Variants in NPSR1 observed in about 807,000 individuals in gnomAD.
The protein encoded by NPSR1 is neuropeptide S receptor 1, also known as neuropeptide S receptor.
A neutral mutation model predicts 46.9 loss-of-function variants in NPSR1; 48 were observed. The ratio of observed to expected loss-of-function variants is 1.02; its 90% CI spans 0.81 to 1.30. The LOEUF is 1.30. Ranked by LOEUF, NPSR1 falls within the 50% of genes most tolerant of loss-of-function variation. The pLI, the probability that NPSR1 is intolerant of heterozygous loss-of-function variation, is 0.00. For missense variants in NPSR1, 450 were observed against 449.5 expected (o/e 1.00, Z -0.01); for synonymous variants, 176 against 168.1 (o/e 1.05, Z -0.36).
chr7:34,701,375 C>G (rs1793821873), intron 2 of NPSR1, among the ~76,000 whole-genome samples: 1 of 152,166 alleles, frequency 6.6e-6, no homozygotes, highest in Non-Finnish European at 1.5e-5. Flanking sequence ...TTTTCATAAA[C>G]TGTTATATCT....
chr7:34,824,494 T>G (rs1013492031), intron 4 of NPSR1, among the ~76,000 whole-genome samples: 13 of 152,202 alleles, frequency 8.5e-5, no homozygotes, highest in African/African-American at 3.1e-4. Context: ...TCAGTCTCCC[T>G]GCTGTGGCAG....
chr7:34,781,617 G>A (rs985749779), intron 3 of NPSR1, among the ~76,000 whole-genome samples: 1 of 152,172 alleles, frequency 6.6e-6, no homozygotes, highest in Non-Finnish European at 1.5e-5. Context: ...ATTCCTGCAA[G>A]AGAACCCCAG....
intron 2 of NPSR1, among the ~76,000 whole-genome samples, chr7:34,747,609 G>A (rs929416731): frequency 9.5e-5 from 14 of 147,162 alleles, no homozygotes; most frequent in African/African-American, 3.2e-4. Flanking sequence ...AGGCATCTTA[G>A]ACACACACAC....
At chr7:34,793,488 T>C (rs1461265623) in intron 3 of NPSR1, among the ~76,000 whole-genome samples, 1 of 152,038 alleles carries the variant, frequency 6.6e-6, no homozygotes, top group Non-Finnish European at 1.5e-5. Flanking sequence ...ACATCCCTAG[T>C]CATCAGGGAA....
chr7:34,828,859 C>T (rs181728288), intron 5 of NPSR1, among the ~76,000 whole-genome samples: 293 of 152,292 alleles, frequency 1.9e-3, no homozygotes, highest in Non-Finnish European at 3.2e-3. Flanking sequence ...GGCCTGTTAG[C>T]TAAGATCACT....
intron 2 of NPSR1, among the ~76,000 whole-genome samples, chr7:34,732,175 C>T (rs531186554): frequency 3.3e-5 from 5 of 151,656 alleles, no homozygotes; most frequent in South Asian, 4.2e-4. Flanking sequence ...AACAGGGCTC[C>T]GGTTGAAGTT....
At chr7:34,856,779 GT>G (rs959553782) in intron 8 of NPSR1, among the ~76,000 whole-genome samples, 1 of 151,592 alleles carries the variant, frequency 6.6e-6, no homozygotes, top group Non-Finnish European at 1.5e-5. Context: ...GCAAGTCATT[GT>G]TTTCTTCTTT....
intron 2 of NPSR1, among the ~76,000 whole-genome samples, chr7:34,769,892 G>C (rs1786597660): frequency 6.6e-6 from 1 of 152,176 alleles, no homozygotes; most frequent in South Asian, 2.1e-4. Flanking sequence ...AGCCTTTAAA[G>C]TGTACCCTTT....
intron 2 of NPSR1, among the ~76,000 whole-genome samples, chr7:34,755,584 T>A (rs1758013647): frequency 2.0e-5 from 3 of 152,214 alleles, no homozygotes; most frequent in Admixed American, 2.0e-4. Context: ...TTGGGTCATT[T>A]CCAGTTTAGG....
At chr7:34,816,042 A>T (rs1789234462) in intron 4 of NPSR1, among the ~76,000 whole-genome samples, 1 of 152,188 alleles carries the variant, frequency 6.6e-6, no homozygotes, top group Non-Finnish European at 1.5e-5. Context: ...CATCATAATG[A>T]TAGGATCAAA....
chr7:34,672,410 GT>G (rs1226395050), intron 1 of NPSR1, among the ~76,000 whole-genome samples: 1 of 152,198 alleles, frequency 6.6e-6, no homozygotes, highest in Non-Finnish European at 1.5e-5. Flanking sequence ...TGGCATTTCT[GT>G]TTCTGGTGAA....
At chr7:34,868,189 G>GTAGA (rs1791363240) in intron 8 of NPSR1, among the ~76,000 whole-genome samples, 1 of 151,680 alleles carries the variant, frequency 6.6e-6, no homozygotes, top group African/African-American at 2.4e-5. Context: ...ATGTGGGGAT[G>GTAGA]TAGACCCTTT....
At chr7:34,765,554 A>G (rs530971830) in intron 2 of NPSR1, among the ~76,000 whole-genome samples, 1 of 152,338 alleles carries the variant, frequency 6.6e-6, no homozygotes, top group South Asian at 2.1e-4. Flanking sequence ...TGAATTAGCA[A>G]TCCCATTACT....
At chr7:34,845,533 GCTTA>G (rs1562770221) in intron 7 of NPSR1, 1 of 454,232 alleles carries the variant, frequency 2.2e-6, no homozygotes, top group South Asian at 1.6e-5. Context: ...TGGTGCCCCG[GCTTA>G]CTTCCTAATC....
chr7:34,711,781 G>A (rs1489787404), intron 2 of NPSR1, among the ~76,000 whole-genome samples: 1 of 152,214 alleles, frequency 6.6e-6, no homozygotes, highest in Non-Finnish European at 1.5e-5. Context: ...TGAGACTTGT[G>A]CCCAGGCTTC....
At chr7:34,819,410 G>C (rs866206035) in intron 4 of NPSR1, among the ~76,000 whole-genome samples, 10 of 152,304 alleles carry the variant, frequency 6.6e-5, no homozygotes, top group Non-Finnish European at 8.8e-5. Flanking sequence ...AAAAAGTCAG[G>C]AAACAACAGG....
At chr7:34,823,777 A>G (rs890844624) in intron 4 of NPSR1, among the ~76,000 whole-genome samples, 2 of 152,216 alleles carry the variant, frequency 1.3e-5, no homozygotes, top group African/African-American at 4.8e-5. Context: ...ATAAAATTGG[A>G]GTACAGTATA....
intron 2 of NPSR1, among the ~76,000 whole-genome samples, chr7:34,712,813 T>C (rs35971901): frequency 0.013 from 2,029 of 152,348 alleles, 21 homozygotes; most frequent in Non-Finnish European, 0.023. Context: ...CAGCTCTGTC[T>C]GCAGTTTCCT....
chr7:34,813,432 C>A (rs1049126760), intron 4 of NPSR1, among the ~76,000 whole-genome samples: 3 of 152,168 alleles, frequency 2.0e-5, no homozygotes, highest in African/African-American at 7.2e-5. Flanking sequence ...TGAACCCACA[C>A]AGTCTGGGTC....
Sources: gnomAD v4.1 joint callset for allele counts (sites outside exome capture counted in the v4.1 genomes callset) on GRCh38, gnomAD v4.1.1 for gene constraint, MANE v1.5 for transcripts, NCBI Gene and HGNC (gene_info 2026-07-23, HGNC 2026-07-21) for gene names.